FBXL13: variants seen among roughly 807,000 people sequenced by gnomAD.
FBXL13 encodes F-box and leucine rich repeat protein 13.
FBXL13 carries 67 observed loss-of-function variants against 83.6 expected under a neutral mutation model. The ratio of observed to expected loss-of-function variants is 0.80; its 90% confidence interval spans 0.66 to 0.98. FBXL13 has a LOEUF of 0.98. Ranked by LOEUF, FBXL13 falls within the 50% of genes least tolerant of loss-of-function variation. The pLI, the probability that FBXL13 is intolerant of heterozygous loss-of-function variation, is 0.00. For synonymous variants in FBXL13, 272 were observed against 299.5 expected, an observed-to-expected ratio of 0.91 and a Z score of 0.95; for missense variants, 822 against 866.5, an observed-to-expected ratio of 0.95 and a Z score of 0.64.
intron 1 of FBXL13, among the ~76,000 whole-genome samples, chr7:103,058,433 C>T (rs926511643): frequency 6.6e-6 from 1 of 152,204 alleles, no homozygotes; most frequent in Admixed American, 6.5e-5. Flanking sequence ...AGAGTGGGTC[C>T]TACAGGGACC....
At chr7:103,058,364 G>A (rs571029895) in intron 1 of FBXL13, among the ~76,000 whole-genome samples, 1 of 152,278 alleles carries the variant, frequency 6.6e-6, no homozygotes, top group African/African-American at 2.4e-5. Flanking sequence ...GGAGATTAGT[G>A]GTCTCACCAC....
intron 6 of FBXL13, chr7:102,973,616 A>G (rs376839670): frequency 6.4e-5 from 49 of 766,142 alleles, no homozygotes; most frequent in African/African-American, 5.9e-4. Context: ...AGAATCTTTC[A>G]TCTGGTGCCG....
chr7:102,975,459 A>C (rs1827303383), intron 6 of FBXL13, among the ~76,000 whole-genome samples: 3 of 152,208 alleles, frequency 2.0e-5, no homozygotes, highest in Admixed American at 1.3e-4. Flanking sequence ...GTGCAAAGGC[A>C]GTCCCCAACC....
At chr7:102,911,395 C>G (rs1036106590) in intron 11 of FBXL13, among the ~76,000 whole-genome samples, 3 of 152,102 alleles carry the variant, frequency 2.0e-5, no homozygotes, top group Non-Finnish European at 4.4e-5. Context: ...TAGAAAAGTA[C>G]TGAAGGATTT....
chr7:102,916,753 T>C (rs1815951011), intron 10 of FBXL13, among the ~76,000 whole-genome samples: 1 of 151,568 alleles, frequency 6.6e-6, no homozygotes, highest in Non-Finnish European at 1.5e-5. Context: ...TTACAGCTTG[T>C]TTTTATCTTT....
In FBXL13 at chr7:102,956,318, C is replaced by T. The variant is rs145222637; in HGVS notation, c.724+7215G>A. On this transcript the variant is annotated intron_variant, in intron 8 of 19. Coordinates refer to ENST00000313221, the Ensembl canonical transcript of FBXL13. ...TCTCAACAGATACAGAAAAGGCCTTCGACAAAATTCAACAGCCCTTCATGC... is the reference window on the plus strand; with the variant it reads ...TCTCAACAGATACAGAAAAGGCCTTTGACAAAATTCAACAGCCCTTCATGC... Among the ~76,000 whole-genome samples the T allele has an allele frequency of 9.4e-3, 1,431 of 152,050 alleles. 44 individuals are homozygous for T. The highest frequency in any genetic ancestry group is 0.061 in the Admixed American group (930 of 15,252).
intron 9 of FBXL13, among the ~76,000 whole-genome samples, chr7:102,928,806 G>C (rs1818607422): frequency 6.6e-6 from 1 of 152,162 alleles, no homozygotes; most frequent in Non-Finnish European, 1.5e-5. Context: ...CAGACATCTG[G>C]AGAATGTAGT....
At chr7:103,002,494 G>T (rs1392757184) in intron 6 of FBXL13, among the ~76,000 whole-genome samples, 2 of 152,066 alleles carry the variant, frequency 1.3e-5, no homozygotes, top group Non-Finnish European at 2.9e-5. Context: ...ACTTACTTTT[G>T]CCAGTGAGTT....
intron 1 of FBXL13, among the ~76,000 whole-genome samples, chr7:103,060,061 T>TATATATAC (rs1563286669): frequency 1.7e-5 from 2 of 119,138 alleles, no homozygotes; most frequent in East Asian, 2.9e-4. Flanking sequence ...TATATATATA[T>TATATATAC]ATACTTTTTT....
chr7:102,955,622 A>T (rs1268089577), intron 8 of FBXL13, among the ~76,000 whole-genome samples: 2 of 151,960 alleles, frequency 1.3e-5, no homozygotes, highest in African/African-American at 4.8e-5. Flanking sequence ...AAAGATCAAC[A>T]GAATTGACAG....
chr7:103,069,853 T>G (rs1435409155), intron 1 of FBXL13, among the ~76,000 whole-genome samples: 1 of 151,958 alleles, frequency 6.6e-6, no homozygotes, highest in African/African-American at 2.4e-5. Flanking sequence ...CCGAGGCAGG[T>G]GGATCATGAG....
At chr7:102,922,179 G>T (rs1263186001) in intron 10 of FBXL13, among the ~76,000 whole-genome samples, 1 of 147,278 alleles carries the variant, frequency 6.8e-6, no homozygotes, top group Admixed American at 6.8e-5. Context: ...GACAGAGGAA[G>T]ACTCTGTCTC....
At chr7:102,922,763 G>T (rs917040231) in intron 10 of FBXL13, among the ~76,000 whole-genome samples, 6 of 152,034 alleles carry the variant, frequency 3.9e-5, no homozygotes, top group African/African-American at 1.2e-4. Flanking sequence ...ACGAGGTCAG[G>T]AGATCGAGAC....
rs904130184 is a variant in FBXL13, at chr7:102,816,475, C to T, written c.2019-2944G>A. 1.1e-4 allele frequency among the ~76,000 whole-genome samples: 16 copies of T among 152,196 alleles called. 1 individual carries two copies. Among genetic ancestry groups the T allele is most frequent in the Admixed American group, 7.9e-4 (12 of 15,282 alleles). On this transcript the variant is annotated intron_variant, in intron 19 of 19. Coordinates refer to ENST00000313221, the Ensembl canonical transcript of FBXL13. ...TAGCCGTGACTAGCTGTCCTCACCACCTTTGGCATCCTCACACGGACTGAC... is the reference window on the plus strand; with the variant it reads ...TAGCCGTGACTAGCTGTCCTCACCATCTTTGGCATCCTCACACGGACTGAC...
intron 7 of FBXL13, among the ~76,000 whole-genome samples, chr7:102,966,269 G>A (rs1825956167): frequency 6.6e-6 from 1 of 152,146 alleles, no homozygotes; most frequent in African/African-American, 2.4e-5. Context: ...ACAGATTACT[G>A]TTTACTACCC....
chr7:102,917,249 G>T (rs1226066095), intron 10 of FBXL13, among the ~76,000 whole-genome samples: 1 of 152,192 alleles, frequency 6.6e-6, no homozygotes, highest in East Asian at 1.9e-4. Flanking sequence ...AGGCACTGGT[G>T]AGACTATAGA....
chr7:102,994,826 G>C (rs574106833), intron 6 of FBXL13, among the ~76,000 whole-genome samples: 1 of 152,316 alleles, frequency 6.6e-6, no homozygotes, highest in East Asian at 1.9e-4. Context: ...CACGTGGACA[G>C]AAACTGTTAG....
chr7:102,924,109 A>G (rs1405017802), intron 10 of FBXL13, among the ~76,000 whole-genome samples: 1 of 151,364 alleles, frequency 6.6e-6, no homozygotes, highest in Non-Finnish European at 1.5e-5. Context: ...GTGGTGGCAC[A>G]TGCCTCTAAT....
chr7:102,858,217 CAT>C (rs1265931983), intron 16 of FBXL13, among the ~76,000 whole-genome samples: 1 of 152,200 alleles, frequency 6.6e-6, no homozygotes. Flanking sequence ...ATAAATACCA[CAT>C]GTCCTCACTC....
Sources: allele counts gnomAD v4.1 joint callset (sites outside exome capture counted in the v4.1 genomes callset), GRCh38; gene constraint gnomAD v4.1.1; transcripts MANE v1.5; gene names NCBI Gene and HGNC (gene_info 2026-07-23, HGNC 2026-07-21).